The following WDR72 variants were observed in gnomAD, a reference collection of about 807,000 sequenced individuals.
WDR72 encodes WD repeat-containing protein 72.
In WDR72, 120 loss-of-function variants were observed where a neutral mutation model predicts 124.2. The observed-to-expected ratio is 0.97, with a 90% CI of 0.83 to 1.12. The LOEUF (loss-of-function observed/expected upper bound fraction) is 1.12, where lower values mean the gene tolerates loss of function less well. Among genes scored for constraint, WDR72 ranks in the 50% most tolerant of loss-of-function variants. The pLI is 0.00. For missense variants in WDR72, 1,387 were observed against 1,278.8 expected (o/e 1.08, Z -1.29); for synonymous variants, 452 against 441.7 (o/e 1.02, Z -0.29).
chr15:53,686,706 T>G (rs567037072), intron 13 of WDR72, among the ~76,000 whole-genome samples: 3 of 149,400 alleles, frequency 2.0e-5, no homozygotes, highest in Non-Finnish European at 3.0e-5. Flanking sequence ...CTGCACCAAG[T>G]GGACCTAATA....
At chr15:53,545,944 C>T (rs1272404896) in intron 18 of WDR72, among the ~76,000 whole-genome samples, 1 of 124,090 alleles carries the variant, frequency 8.1e-6, no homozygotes, top group Non-Finnish European at 1.7e-5. Context: ...CAGAGAAATG[C>T]AAATCAAAAC....
At position 53,702,165 on chromosome 15, in the gene WDR72, G is replaced by C; in HGVS notation, c.1538C>G (p.Thr513Arg). Residue 513 changes from threonine (T) to arginine (R), a missense_variant, in exon 12 of 20, where the codon ACA becomes AGA. Coordinates refer to ENST00000360509, the MANE Select transcript of WDR72 (RefSeq NM_182758.4). ...HKFFLEAGPV[T>R]SLLMSPEKFK... The stretch of plus-strand genomic sequence containing the variant: ...CTTCTCTGGTGACATCAAAAGACTT[G>C]TTACTGGACCAGCTTCCAAAAAGAA... 1 of 1,613,788 alleles carries C rather than the reference G, an allele frequency of 6.2e-7. No individual in the cohort carries two copies. The highest frequency in any genetic ancestry group is 8.5e-7 in the Non-Finnish European group (1 of 1,179,942).
chr15:53,704,062 A>G (rs2017264832), intron 11 of WDR72, among the ~76,000 whole-genome samples: 1 of 152,176 alleles, frequency 6.6e-6, no homozygotes, highest in Non-Finnish European at 1.5e-5. Context: ...ACTTCAGTCA[A>G]TCACTGAAGC....
chr15:53,756,625 G>C (rs1233859627), intron 1 of WDR72: 2 of 152,124 alleles, frequency 1.3e-5, no homozygotes, highest in Non-Finnish European at 2.9e-5. Flanking sequence ...CAGAGAGAGA[G>C]AGGAAAAGTC....
chr15:53,654,532 C>T (rs995536256), intron 14 of WDR72, among the ~76,000 whole-genome samples: 2 of 152,042 alleles, frequency 1.3e-5, no homozygotes, highest in African/African-American at 4.8e-5. Context: ...TAGATGAAGG[C>T]AAAAAAACAT....
At chr15:53,625,324 G>A (rs544875793) in intron 14 of WDR72, among the ~76,000 whole-genome samples, 1 of 152,282 alleles carries the variant, frequency 6.6e-6, no homozygotes, top group East Asian at 1.9e-4. Context: ...TCCCCAACAT[G>A]TGATTTCCAG....
intron 11 of WDR72, among the ~76,000 whole-genome samples, chr15:53,703,430 T>A (rs983649029): frequency 1.3e-5 from 2 of 151,644 alleles, no homozygotes; most frequent in Non-Finnish European, 2.9e-5. Flanking sequence ...TAAATTAATC[T>A]GCCTTTTCTC....
intron 9 of WDR72, among the ~76,000 whole-genome samples, chr15:53,710,534 TA>T (rs1231224889): frequency 2.0e-5 from 3 of 151,722 alleles, no homozygotes; most frequent in Admixed American, 1.3e-4. Context: ...TACAACAAAG[TA>T]AAAAAAAATC....
chr15:53,747,519 A>C (rs2140889961), intron 1 of WDR72, among the ~76,000 whole-genome samples: 1 of 152,364 alleles, frequency 6.6e-6, no homozygotes, highest in African/African-American at 2.4e-5. Flanking sequence ...AATTAAACAA[A>C]TGTGCAAATT....
chr15:53,737,001 ACACACACACACACACACACACAC>A (rs2018375271), intron 1 of WDR72, among the ~76,000 whole-genome samples: 6 of 15,890 alleles, frequency 3.8e-4, no homozygotes, highest in Non-Finnish European at 7.3e-4. Context: ...GATGTAAAAC[ACACACACACACACACACACACAC>A]ACACACACAC....
At chr15:53,687,599 C>A (rs948002171) in intron 13 of WDR72, among the ~76,000 whole-genome samples, 1 of 147,120 alleles carries the variant, frequency 6.8e-6, no homozygotes, top group East Asian at 2.1e-4. Context: ...GAGTCCAGGA[C>A]CAGATGGATT....
intron 1 of WDR72, among the ~76,000 whole-genome samples, chr15:53,741,414 C>T (rs2018505853): frequency 6.6e-6 from 1 of 152,158 alleles, no homozygotes; most frequent in African/African-American, 2.4e-5. Context: ...TGTAGTGCAA[C>T]ATACCTGAAA....
At chr15:53,745,259 A>G (rs1315682705) in intron 1 of WDR72, among the ~76,000 whole-genome samples, 4 of 152,180 alleles carry the variant, frequency 2.6e-5, no homozygotes, top group Admixed American at 2.6e-4. Context: ...AGCATATGGA[A>G]TGAATTGACT....
At chr15:53,667,076 G>A (rs2015804166) in intron 13 of WDR72, among the ~76,000 whole-genome samples, 1 of 152,070 alleles carries the variant, frequency 6.6e-6, no homozygotes, top group Non-Finnish European at 1.5e-5. Context: ...ATCTGGCTGG[G>A]TGTGATGGCT....
intron 12 of WDR72, among the ~76,000 whole-genome samples, chr15:53,700,296 A>C (rs2017132257): frequency 6.6e-6 from 1 of 152,322 alleles, no homozygotes; most frequent in Non-Finnish European, 1.5e-5. Context: ...TGTTGCCACA[A>C]AAAGAAGCTA....
intron 1 of WDR72, among the ~76,000 whole-genome samples, chr15:53,754,401 G>A (rs559254228): frequency 1.2e-4 from 18 of 152,064 alleles, no homozygotes; most frequent in African/African-American, 4.1e-4. Context: ...GAACCTACAG[G>A]CCAACAAAAA....
intron 13 of WDR72, among the ~76,000 whole-genome samples, chr15:53,682,930 A>G (rs2016448778): frequency 6.6e-6 from 1 of 152,208 alleles, no homozygotes; most frequent in Admixed American, 6.5e-5. Flanking sequence ...AAGAGGCTTA[A>G]TTGACTCACA....
At chr15:53,704,668 G>A (rs533393353) in intron 11 of WDR72, among the ~76,000 whole-genome samples, 2 of 149,018 alleles carry the variant, frequency 1.3e-5, no homozygotes, top group African/African-American at 4.9e-5. Flanking sequence ...TGGGACTACA[G>A]GTGCCCGCCA....
intron 14 of WDR72, among the ~76,000 whole-genome samples, chr15:53,634,495 T>TA (rs989361505): frequency 2.6e-4 from 40 of 151,356 alleles, no homozygotes; most frequent in Middle Eastern, 3.4e-3. Context: ...GTTGATTAGC[T>TA]AAAAAAAAAT....
Sources: allele counts gnomAD v4.1 joint callset (sites outside exome capture counted in the v4.1 genomes callset), GRCh38; gene constraint gnomAD v4.1.1; transcripts MANE v1.5; gene names NCBI Gene and HGNC (gene_info 2026-07-23, HGNC 2026-07-21).